The following DDX1 variants were observed in gnomAD, a reference collection of about 807,000 sequenced individuals.
The protein encoded by DDX1 is ATP-dependent RNA helicase DDX1.
A neutral mutation model predicts 108.7 loss-of-function variants in DDX1; 28 were observed. The observed-to-expected ratio is 0.26, with a 90% CI of 0.19 to 0.35. The LOEUF is 0.35. Among genes scored for constraint, DDX1 ranks in the 10% least tolerant of loss-of-function variants. The pLI is 1.00. For missense variants in DDX1, 710 were observed against 884.5 expected, an observed-to-expected ratio of 0.80 and a Z score of 2.50; for synonymous variants, 295 against 288.9, an observed-to-expected ratio of 1.02 and a Z score of -0.21.
In DDX1 at chr2:15,620,381, A is replaced by G; in HGVS notation, c.1380A>G (p.Gly460=). 1 of 1,612,472 alleles carries G rather than the reference A, an allele frequency of 6.2e-7. No individual in the cohort carries two copies. The highest frequency in any genetic ancestry group is 8.5e-7 in the Non-Finnish European group (1 of 1,179,492). ...PKTDRLWERL[G]KSHIRTDDVH... is the part of the protein sequence containing the mutation. ...CTGACAGACTCTGGGAAAGGCTTGG[A>G]AAGAGCCACATTAGAGTAAGTGGTT... The change falls in exon 17 of 26, where the codon GGA becomes GGG. Residue 460 remains glycine, a synonymous_variant. Transcript: ENST00000233084.
intron 10 of DDX1, among the ~76,000 whole-genome samples, chr2:15,605,603 C>T (rs1298913348): frequency 6.6e-6 from 1 of 151,990 alleles, no homozygotes; most frequent in African/African-American, 2.4e-5. Flanking sequence ...AAATGGAAAT[C>T]GGAGTTTCAC....
intron 8 of DDX1, 93 bp downstream of exon 8, chr2:15,603,368 A>G: frequency 1.1e-6 from 1 of 889,322 alleles, no homozygotes; most frequent in Non-Finnish European, 1.8e-6. Flanking sequence ...TTTAACCATA[A>G]AAAGGTTTTA....
Position 15,617,309 on chromosome 2 carries a change from A to G in DDX1, c.1083A>G (p.Leu361=). ...TGGTGTCAACTGGAAAGCTGAACTTATCTCAAGTTAGATTCCTGGTCCTGG... is the reference window on the plus strand; with the variant it reads ...TGGTGTCAACTGGAAAGCTGAACTTGTCTCAAGTTAGATTCCTGGTCCTGG... The part of the protein sequence containing the change: ...DDLVSTGKLN[L]SQVRFLVLDE... Residue 361 remains leucine, a synonymous_variant, in exon 15 of 26, where the codon TTA becomes TTG. Coordinates refer to ENST00000233084, the MANE Select transcript of DDX1 (RefSeq NM_004939.3). The G allele has an allele frequency of 6.3e-7, 1 of 1,598,162 alleles. No homozygotes were observed. The highest frequency in any genetic ancestry group is 8.5e-7 in the Non-Finnish European group (1 of 1,170,428).
intron 6 of DDX1, 21 bp from the exon 7 acceptor site, chr2:15,602,526 TG>T: frequency 6.3e-7 from 1 of 1,594,160 alleles, no homozygotes; most frequent in South Asian, 1.1e-5. Context: ...CGTGTTTTTC[TG>T]TGTTTTCTTC....
intron 23 of DDX1, among the ~76,000 whole-genome samples, 159 bp from the exon 24 acceptor site, chr2:15,629,443 A>T (rs1355934889): frequency 6.6e-6 from 1 of 152,204 alleles, no homozygotes; most frequent in Non-Finnish European, 1.5e-5. Context: ...TTATTCAATG[A>T]GCTACTGAAT....
intron 10 of DDX1, 44 bp from the exon 11 acceptor site, chr2:15,605,906 C>CT: frequency 7.4e-7 from 1 of 1,354,696 alleles, no homozygotes; most frequent in South Asian, 1.5e-5. Flanking sequence ...TGAGGAAGGT[C>CT]TTTTCTGATT....
chr2:15,599,856 C>T (rs149496277), intron 6 of DDX1, 140 bp downstream of exon 6: 8,549 of 582,784 alleles, frequency 0.015, 81 homozygotes, highest in Non-Finnish European at 0.018. Flanking sequence ...CAGTATAGAA[C>T]TGACATAGGA....
chr2:15,612,469 CCTCACTTCCTAGATGG>C, intron 13 of DDX1, among the ~76,000 whole-genome samples: 1 of 150,944 alleles, frequency 6.6e-6, no homozygotes, highest in South Asian at 2.1e-4. Flanking sequence ...AAGAGGTGCT[CCTCACTTCCTAGATGG>C]GATGGCGGCC....
chr2:15,613,555 GTAAA>G (rs1665838640), intron 14 of DDX1, among the ~76,000 whole-genome samples: 1 of 152,150 alleles, frequency 6.6e-6, no homozygotes, highest in African/African-American at 2.4e-5. Flanking sequence ...GCCTTCATGG[GTAAA>G]GAGTCATTCT....
Position 15,623,493 on chromosome 2 carries a change from A to G in DDX1, c.1505A>G (p.Lys502Arg). 1.2e-6 allele frequency: 2 copies of G among 1,613,680 alleles called. No homozygotes were observed. Among genetic ancestry groups the G allele is most frequent in the South Asian group, 2.2e-5 (2 of 91,068 alleles). ...GGGGAGTATGCTGTCCGGGCAATCA[A>G]GGAACATAAGATGGATCAAGCAATT... ...LKGEYAVRAI[K>R]EHKMDQAIIF... Residue 502 changes from lysine (K) to arginine (R), a missense_variant, in exon 19 of 26, where the codon AAG (lysine) becomes AGG (arginine). Coordinates refer to ENST00000233084, the MANE Select transcript of DDX1 (RefSeq NM_004939.3).
chr2:15,597,946 C>G (rs923126177), intron 5 of DDX1, among the ~76,000 whole-genome samples: 5 of 151,960 alleles, frequency 3.3e-5, no homozygotes, highest in African/African-American at 4.8e-5. Flanking sequence ...AAAGTTGTTT[C>G]TTATGTGCAG....
chr2:15,599,600 A>G, intron 5 of DDX1, 69 bp from the exon 6 acceptor site: 1 of 1,249,230 alleles, frequency 8.0e-7, no homozygotes, highest in Non-Finnish European at 1.1e-6. Flanking sequence ...GTCGTGAGTC[A>G]CCGCACCCGG....
intron 10 of DDX1, 140 bp downstream of exon 10, chr2:15,604,649 G>T (rs910592454): frequency 1.6e-6 from 1 of 633,062 alleles, no homozygotes; most frequent in East Asian, 2.7e-5. Flanking sequence ...ATTGAGCATT[G>T]ACTATGTGTA....
chr2:15,616,045 G>T (rs978962373), intron 14 of DDX1, among the ~76,000 whole-genome samples: 1 of 141,320 alleles, frequency 7.1e-6, no homozygotes, highest in African/African-American at 2.7e-5. Flanking sequence ...TGTGCACGCC[G>T]CCATGCCCGG....
At position 15,627,297 on chromosome 2, in the gene DDX1, A is replaced by G. The variant is rs952712492; in HGVS notation, c.1686+152A>G. The G allele has an allele frequency of 3.4e-5, 17 of 496,086 alleles. No homozygotes were observed. In the Middle Eastern group the frequency reaches 1.6e-3, roughly 47 times the overall value. 30.7% of individuals were successfully genotyped at this position (496,086 alleles called of 1,614,324 possible). ...CTAATGTGTCATCATCATGACAGGA[A>G]TTAGTCATTGTTGACACTCAAATGG... On this transcript the variant is annotated intron_variant, in intron 20 of 25. Coordinates refer to ENST00000233084, the MANE Select transcript of DDX1 (RefSeq NM_004939.3).
chr2:15,609,784 C>G (rs1411602951), intron 13 of DDX1, among the ~76,000 whole-genome samples: 1 of 152,124 alleles, frequency 6.6e-6, no homozygotes, highest in African/African-American at 2.4e-5. Context: ...ATAGTCCAAA[C>G]CTAGGAACTT....
intron 18 of DDX1, among the ~76,000 whole-genome samples, chr2:15,621,809 C>T (rs897772178): frequency 1.3e-5 from 2 of 151,352 alleles, no homozygotes; most frequent in Non-Finnish European, 2.9e-5. Flanking sequence ...CGTGCCACTA[C>T]CACCTGGCTA....
chr2:15,626,928 G>A, intron 19 of DDX1, 126 bp from the exon 20 acceptor site: 1 of 583,180 alleles, frequency 1.7e-6, no homozygotes, highest in African/African-American at 1.9e-5. Flanking sequence ...ATGGTTTATA[G>A]CAAGTTGGGG....
intron 23 of DDX1, 37 bp from the exon 24 acceptor site, chr2:15,629,565 T>G: frequency 7.1e-7 from 1 of 1,410,152 alleles, no homozygotes; most frequent in Non-Finnish European, 9.9e-7. Flanking sequence ...TGTCTCTATC[T>G]CCATGCATGT....
Sources: allele counts gnomAD v4.1 joint callset (sites outside exome capture counted in the v4.1 genomes callset), GRCh38; gene constraint gnomAD v4.1.1; transcripts MANE v1.5; gene names NCBI Gene and HGNC (gene_info 2026-07-23, HGNC 2026-07-21).